Variants in MIR2052HG observed in about 807,000 individuals in gnomAD.
The protein encoded by MIR2052HG is MIR2052 host gene.
intron 4 of MIR2052HG, among the ~76,000 whole-genome samples, chr8:74,715,736 C>T (rs1307801567): frequency 1.3e-5 from 2 of 151,986 alleles, no homozygotes; most frequent in African/African-American, 4.8e-5. Context: ...AAATAGAGCC[C>T]CATAAAAGCA....
At chr8:74,681,422 T>C (rs990370413) in intron 2 of MIR2052HG, among the ~76,000 whole-genome samples, 2 of 152,052 alleles carry the variant, frequency 1.3e-5, no homozygotes, top group Non-Finnish European at 2.9e-5. Context: ...TGTCAGAAAG[T>C]AAGGTATTTT....
At chr8:74,648,145 G>A (rs1321934321) in intron 2 of MIR2052HG, among the ~76,000 whole-genome samples, 1 of 152,160 alleles carries the variant, frequency 6.6e-6, no homozygotes, top group Non-Finnish European at 1.5e-5. Flanking sequence ...AGACAGATAT[G>A]TGAGTAGGAG....
chr8:74,733,891 T>C (rs928768674), intron 4 of MIR2052HG, among the ~76,000 whole-genome samples: 2 of 152,106 alleles, frequency 1.3e-5, no homozygotes, highest in Non-Finnish European at 2.9e-5. Context: ...TTTTGAGAAG[T>C]GTCTGTTCAT....
intron 2 of MIR2052HG, among the ~76,000 whole-genome samples, chr8:74,681,757 C>G (rs939688053): frequency 6.6e-6 from 1 of 152,052 alleles, no homozygotes; most frequent in African/African-American, 2.4e-5. Context: ...CTTGGATTTC[C>G]TAGGCTCCAG....
intron 4 of MIR2052HG, among the ~76,000 whole-genome samples, chr8:74,750,116 C>T (rs908594622): frequency 6.6e-6 from 1 of 152,102 alleles, no homozygotes; most frequent in African/African-American, 2.4e-5. Context: ...GTAATTGTTT[C>T]ATTTTGGGTG....
chr8:74,678,832 T>C (rs1448353551), intron 2 of MIR2052HG, among the ~76,000 whole-genome samples: 1 of 152,092 alleles, frequency 6.6e-6, no homozygotes, highest in South Asian at 2.1e-4. Flanking sequence ...GAAAGTCTGA[T>C]CATTTATGTA....
intron 2 of MIR2052HG, among the ~76,000 whole-genome samples, chr8:74,699,535 A>G (rs1322722230): frequency 6.6e-6 from 1 of 152,050 alleles, no homozygotes; most frequent in Non-Finnish European, 1.5e-5. Context: ...GAAGTAACTC[A>G]GGAATAAAAA....
At chr8:74,696,889 A>G (rs1420766804) in intron 2 of MIR2052HG, among the ~76,000 whole-genome samples, 1 of 152,110 alleles carries the variant, frequency 6.6e-6, no homozygotes, top group Non-Finnish European at 1.5e-5. Context: ...TCTATCAGAC[A>G]TTCAAAGAAG....
intron 4 of MIR2052HG, among the ~76,000 whole-genome samples, chr8:74,734,911 T>A (rs1290586314): frequency 6.6e-6 from 1 of 152,248 alleles, no homozygotes. Context: ...AGTGGATGTG[T>A]TTATGTGTTT....
intron 4 of MIR2052HG, among the ~76,000 whole-genome samples, chr8:74,718,345 G>A (rs2128742268): frequency 6.6e-6 from 1 of 152,120 alleles, no homozygotes; most frequent in African/African-American, 2.4e-5. Flanking sequence ...CTCAATGTAA[G>A]CAGCCCAGGG....
At chr8:74,748,427 T>C (rs1233431094) in intron 4 of MIR2052HG, among the ~76,000 whole-genome samples, 1 of 152,204 alleles carries the variant, frequency 6.6e-6, no homozygotes, top group Non-Finnish European at 1.5e-5. Context: ...TGAACACCAC[T>C]AGTGGAGACA....
intron 2 of MIR2052HG, among the ~76,000 whole-genome samples, chr8:74,681,658 G>A (rs1809126525): frequency 6.6e-6 from 1 of 152,048 alleles, no homozygotes; most frequent in Non-Finnish European, 1.5e-5. Context: ...CTGGGATTGG[G>A]CTCCTGATAA....
At chr8:74,656,837 T>C (rs957815647) in intron 2 of MIR2052HG, among the ~76,000 whole-genome samples, 8 of 152,170 alleles carry the variant, frequency 5.3e-5, no homozygotes, top group African/African-American at 1.4e-4. Flanking sequence ...AGGAAACTAT[T>C]TGTAGCTTTT....
intron 2 of MIR2052HG, among the ~76,000 whole-genome samples, chr8:74,688,730 G>A (rs1003275459): frequency 2.0e-5 from 3 of 152,104 alleles, no homozygotes; most frequent in Non-Finnish European, 4.4e-5. Context: ...TTCTTTAGTG[G>A]TGACTGGTGA....
intron 3 of MIR2052HG, chr8:74,702,538 T>C (rs919828713): frequency 3.7e-6 from 1 of 266,700 alleles, no homozygotes; most frequent in Admixed American, 3.8e-5. Context: ...AATATACATG[T>C]AAGCCAGATT....
At chr8:74,682,807 A>T (rs1203862399) in intron 2 of MIR2052HG, among the ~76,000 whole-genome samples, 1 of 152,206 alleles carries the variant, frequency 6.6e-6, no homozygotes, top group Non-Finnish European at 1.5e-5. Flanking sequence ...AGAGATGTAT[A>T]CAAGATTTTT....
chr8:74,660,401 C>T (rs923816989), intron 2 of MIR2052HG, among the ~76,000 whole-genome samples: 1 of 152,146 alleles, frequency 6.6e-6, no homozygotes, highest in South Asian at 2.1e-4. Context: ...CTATCTGGTG[C>T]AATCATCTGT....
At chr8:74,664,723 T>G (rs1800440137) in intron 2 of MIR2052HG, among the ~76,000 whole-genome samples, 1 of 152,148 alleles carries the variant, frequency 6.6e-6, no homozygotes. Flanking sequence ...TTCACCATGT[T>G]GGCCAGCCGG....
At chr8:74,730,494 G>A (rs1309859891) in intron 4 of MIR2052HG, among the ~76,000 whole-genome samples, 3 of 152,046 alleles carry the variant, frequency 2.0e-5, no homozygotes, top group Non-Finnish European at 2.9e-5. Flanking sequence ...TATGAATTTC[G>A]AATAGTCATA....
Sources: allele counts gnomAD v4.1 joint callset (sites outside exome capture counted in the v4.1 genomes callset), GRCh38; gene constraint gnomAD v4.1.1; transcripts MANE v1.5; gene names NCBI Gene and HGNC (gene_info 2026-07-23, HGNC 2026-07-21).